Variants in NEMP2 observed in about 807,000 individuals in gnomAD.
The protein encoded by NEMP2 is UPF0571 transmembrane protein.
A neutral mutation model predicts 54.2 loss-of-function variants in NEMP2; 53 were observed. That is an observed-to-expected ratio of 0.98 (90% CI 0.78 to 1.23). The LOEUF (loss-of-function observed/expected upper bound fraction) is 1.23. Ranked by LOEUF, NEMP2 falls within the 50% of genes most tolerant of loss-of-function variation. The pLI is 0.00. For missense variants in NEMP2, 455 were observed against 511.3 expected, an observed-to-expected ratio of 0.89 and a Z score of 1.06; for synonymous variants, 197 against 190.3, an observed-to-expected ratio of 1.04 and a Z score of -0.29.
the NEMP2 span, among the ~76,000 whole-genome samples, chr2:190,450,031 TAAAA>T: frequency 6.6e-6 from 1 of 151,378 alleles, no homozygotes. Context: ...AAAATAAAAT[TAAAA>T]AAAAGAAAAA....
At chr2:190,558,180 G>T in the NEMP2 span, among the ~76,000 whole-genome samples, 1 of 152,198 alleles carries the variant, frequency 6.6e-6, no homozygotes, top group South Asian at 2.1e-4. The surrounding 1 kb of genome is among the most constrained non-coding windows in gnomAD (Gnocchi z 4.4). Context: ...CAGGGACATG[G>T]ATGACACTGG....
Position 190,509,443 on chromosome 2 carries a change from A to C in NEMP2, c.1131-131T>G. On this transcript the variant is annotated intron_variant, in intron 8 of 8. Transcript: ENST00000409150. This position sits in a 1 kb window ranked among gnomAD's most constrained non-coding sequence, Gnocchi z 6.1. ...TGCATCAATACAGGGTGGCATTTAC[A>C]CAGTGGGTGTAAAAATGGGAATGGC... 2.0e-6 allele frequency: 2 copies of C among 997,478 alleles called. No individual in the cohort carries two copies. Among genetic ancestry groups the C allele is most frequent in the Admixed American group, 2.4e-5 (1 of 41,636 alleles). The allele number at this position is 997,478 out of a possible 1,614,324, so 61.8% of individuals were successfully genotyped here.
the NEMP2 span, among the ~76,000 whole-genome samples, chr2:190,547,318 C>T: frequency 0.021 from 3,162 of 152,224 alleles, 122 homozygotes; most frequent in African/African-American, 0.071. The surrounding 1 kb of genome is among the most constrained non-coding windows in gnomAD (Gnocchi z 6.2). Flanking sequence ...TAATCTGAAA[C>T]TTTATGGTGA....
At chr2:190,565,245 C>G in the NEMP2 span, among the ~76,000 whole-genome samples, 3 of 152,010 alleles carry the variant, frequency 2.0e-5, no homozygotes, top group South Asian at 6.2e-4. Flanking sequence ...GGCAGGAGGA[C>G]CTAAACAATC....
At chr2:190,566,752 AGAAAG>A in the NEMP2 span, among the ~76,000 whole-genome samples, 433 of 148,372 alleles carry the variant, frequency 2.9e-3, 6 homozygotes, top group East Asian at 0.019. Flanking sequence ...AGAAAAAAAA[AGAAAG>A]GAAGGAAGGA....
At chr2:190,631,404 C>A in the NEMP2 span, among the ~76,000 whole-genome samples, 2 of 152,138 alleles carry the variant, frequency 1.3e-5, no homozygotes, top group African/African-American at 2.4e-5. Flanking sequence ...AGGAAACAAA[C>A]CTTAGACATT....
chr2:190,442,569 C>G, the NEMP2 span: 4 of 151,988 alleles, frequency 2.6e-5, no homozygotes, highest in Admixed American at 6.6e-5. Flanking sequence ...CAGGCCTGAA[C>G]TGCAGCAGTA....
the NEMP2 span, chr2:190,437,135 A>G: frequency 1.2e-5 from 20 of 1,614,144 alleles, no homozygotes; most frequent in Non-Finnish European, 3.4e-6. This position sits in a 1 kb window ranked among gnomAD's most constrained non-coding sequence, Gnocchi z 5.9. Context: ...AGGAATTACC[A>G]GATCGTCTTC....
At chr2:190,600,116 T>G in the NEMP2 span, among the ~76,000 whole-genome samples, 1 of 152,214 alleles carries the variant, frequency 6.6e-6, no homozygotes, top group African/African-American at 2.4e-5. The surrounding 1 kb of genome is among the most constrained non-coding windows in gnomAD (Gnocchi z 4.9). Flanking sequence ...TTATCTTAGT[T>G]CTGTATGTCA....
At chr2:190,448,506 T>C in the NEMP2 span, among the ~76,000 whole-genome samples, 1 of 152,172 alleles carries the variant, frequency 6.6e-6, no homozygotes, top group Non-Finnish European at 1.5e-5. Context: ...TAGATCAATA[T>C]GCCAACATGG....
the NEMP2 span, among the ~76,000 whole-genome samples, chr2:190,545,555 A>G: frequency 6.6e-6 from 1 of 152,242 alleles, no homozygotes; most frequent in Admixed American, 6.5e-5. Flanking sequence ...CTTTCAATTC[A>G]GTTAAGACAT....
At chr2:190,578,994 A>G in the NEMP2 span, among the ~76,000 whole-genome samples, 3 of 152,136 alleles carry the variant, frequency 2.0e-5, no homozygotes, top group Non-Finnish European at 4.4e-5. This position sits in a 1 kb window ranked among gnomAD's most constrained non-coding sequence, Gnocchi z 4.4. Context: ...CCACACCCTG[A>G]TGCGTGCTCT....
chr2:190,489,760 T>C, the NEMP2 span: 2 of 1,613,438 alleles, frequency 1.2e-6, no homozygotes, highest in Non-Finnish European at 1.7e-6. The surrounding 1 kb of genome is among the most constrained non-coding windows in gnomAD (Gnocchi z 6.6). Flanking sequence ...TGCTGTTTGT[T>C]TTTATAGGGG....
chr2:190,552,390 T>C, the NEMP2 span, among the ~76,000 whole-genome samples: 1 of 152,202 alleles, frequency 6.6e-6, no homozygotes, highest in African/African-American at 2.4e-5. Context: ...TTTTAAAATA[T>C]ACTGCTGCCA....
chr2:190,579,382 ATAT>A, the NEMP2 span, among the ~76,000 whole-genome samples: 5 of 135,508 alleles, frequency 3.7e-5, no homozygotes, highest in African/African-American at 1.0e-4. Context: ...GATATGTGTC[ATAT>A]TATTCTACAT....
intron 4 of NEMP2, 53 bp from the exon 5 acceptor site, chr2:190,517,666 A>G (rs926309367): frequency 1.9e-5 from 24 of 1,278,354 alleles, no homozygotes; most frequent in African/African-American, 1.8e-4. Context: ...CACTTTGAGT[A>G]TGAAAAACAT....
the NEMP2 span, among the ~76,000 whole-genome samples, chr2:190,450,488 CT>C: frequency 2.8e-4 from 27 of 97,260 alleles, no homozygotes; most frequent in African/African-American, 7.9e-4. Context: ...TCTCTTTTTC[CT>C]TTTTTTTTTT....
chr2:190,553,330 A>T, the NEMP2 span: 1 of 152,346 alleles, frequency 6.6e-6, no homozygotes, highest in African/African-American at 2.4e-5. Context: ...CTCTACCTGC[A>T]AAGTGTTCAC....
chr2:190,503,334 G>A (rs1267997630), downstream of NEMP2, among the ~76,000 whole-genome samples: 1 of 152,192 alleles, frequency 6.6e-6, no homozygotes, highest in Non-Finnish European at 1.5e-5. This position sits in a 1 kb window ranked among gnomAD's most constrained non-coding sequence, Gnocchi z 6.3. Flanking sequence ...CTGGGAAGAT[G>A]GGAAGTTCTC....
Sources: gnomAD v4.1 joint callset for allele counts (sites outside exome capture counted in the v4.1 genomes callset) on GRCh38, gnomAD v4.1.1 for gene constraint, Gnocchi (gnomAD v3.1) non-coding constraint, MANE v1.5 for transcripts, NCBI Gene and HGNC (gene_info 2026-07-23, HGNC 2026-07-21) for gene names.